RNF17: variants seen among roughly 807,000 people sequenced by gnomAD.
RNF17 encodes ring finger protein 17.
A neutral mutation model predicts 200.5 loss-of-function variants in RNF17; 31 were observed. That is an observed-to-expected ratio of 0.15 (90% CI 0.12 to 0.21). RNF17 has a LOEUF of 0.21. Ranked by LOEUF, RNF17 falls within the 10% of genes least tolerant of loss-of-function variation. The pLI is 1.00. For missense variants in RNF17, 1,628 were observed against 1,905.1 expected (o/e 0.85, Z 2.71); for synonymous variants, 606 against 637.8 (o/e 0.95, Z 0.75).
rs2275940 is a variant in RNF17 at position 24,879,728 on chromosome 13, A to G, written c.*11-9A>G. ...GCAAAGGTTTAAAATAACACATTTT[A>G]TTTTTCAGGTATACAGTGAGAGCAT... On this transcript the variant is annotated splice_polypyrimidine_tract_variant and intron_variant, in intron 35 of 35. Coordinates refer to ENST00000255324, the MANE Select transcript of RNF17 (RefSeq NM_031277.3). The G allele has an allele frequency of 0.98, 151,744 of 154,386 alleles. 74,610 individuals carry two copies. Among genetic ancestry groups the G allele is most frequent in the Middle Eastern group, 1 (298 of 298 alleles). The allele number at this position is 154,386 out of a possible 1,614,324, so 9.6% of individuals were successfully genotyped here. A position where few individuals can be genotyped will look rare whatever the true frequency, so the allele number is the denominator to read the frequency against.
chr13:24,840,372 A>T (rs1890489501), intron 18 of RNF17, among the ~76,000 whole-genome samples: 1 of 152,194 alleles, frequency 6.6e-6, no homozygotes, highest in African/African-American at 2.4e-5. Context: ...TCCCACTGCT[A>T]GATATCTACC....
At chr13:24,749,543 G>C in the RNF17 span, among the ~76,000 whole-genome samples, 1 of 151,912 alleles carries the variant, frequency 6.6e-6, no homozygotes, top group African/African-American at 2.4e-5. Context: ...TCTCTCTGCA[G>C]TTAAAAAACA....
At chr13:24,752,807 C>G in the RNF17 span, among the ~76,000 whole-genome samples, 1 of 152,230 alleles carries the variant, frequency 6.6e-6, no homozygotes, top group Non-Finnish European at 1.5e-5. Flanking sequence ...CTCCAGATGA[C>G]AGCCAGAGTA....
chr13:24,840,138 TAATCATCAGGG>T (rs1023385519), intron 18 of RNF17, among the ~76,000 whole-genome samples: 1 of 152,160 alleles, frequency 6.6e-6, no homozygotes, highest in African/African-American at 2.4e-5. Flanking sequence ...TCAACATCAC[TAATCATCAGGG>T]AAATGCAAAT....
chr13:24,809,464 A>G (rs1209158706), intron 15 of RNF17, among the ~76,000 whole-genome samples: 1 of 152,034 alleles, frequency 6.6e-6, no homozygotes, highest in Admixed American at 6.6e-5. Context: ...GGTAGTTTGT[A>G]TTTCTGTGGG....
intron 14 of RNF17, among the ~76,000 whole-genome samples, chr13:24,803,206 A>T (rs1885464974): frequency 6.6e-6 from 1 of 152,180 alleles, no homozygotes; most frequent in Non-Finnish European, 1.5e-5. Flanking sequence ...AATTTTCCTC[A>T]ATTTTGTAGC....
chr13:24,774,382 G>C (rs1269416128), intron 2 of RNF17, among the ~76,000 whole-genome samples: 2 of 152,076 alleles, frequency 1.3e-5, no homozygotes, highest in African/African-American at 2.4e-5. Flanking sequence ...GCTAATTTTT[G>C]TATTTTTAGT....
At chr13:24,781,302 A>AT (rs1305472305) in intron 5 of RNF17, among the ~76,000 whole-genome samples, 17 of 151,768 alleles carry the variant, frequency 1.1e-4, no homozygotes, top group Admixed American at 5.3e-4. Flanking sequence ...TCATCAGTGG[A>AT]TTTTTTTTAG....
chr13:24,794,218 C>T (rs1024051339), intron 10 of RNF17: 1 of 456,626 alleles, frequency 2.2e-6, no homozygotes, highest in South Asian at 1.5e-5. Context: ...CAGAAAAACT[C>T]ATCTGTTCCT....
intron 6 of RNF17, among the ~76,000 whole-genome samples, chr13:24,784,491 G>GT (rs1157838900): frequency 1.3e-5 from 2 of 151,982 alleles, no homozygotes; most frequent in Non-Finnish European, 2.9e-5. Flanking sequence ...TTGTTGGGAG[G>GT]TTTTTTGATT....
At chr13:24,850,154 A>G (rs1245176149) in intron 22 of RNF17, among the ~76,000 whole-genome samples, 187 bp from the exon 23 acceptor site, 1 of 152,212 alleles carries the variant, frequency 6.6e-6, no homozygotes, top group East Asian at 1.9e-4. Context: ...TAGAGGGATG[A>G]AAAAAAGATA....
chr13:24,789,420 C>T lies in RNF17; in HGVS notation c.856C>T (p.Pro286Ser), dbSNP rs1383674764. 1.9e-6 allele frequency: 3 copies of T among 1,591,010 alleles called. No homozygotes were observed. The highest frequency in any genetic ancestry group is 1.7e-5 in the Admixed American group (1 of 59,846). Residue 286 changes from proline to serine, a missense_variant, in exon 8 of 36, where the codon CCC becomes TCC. Around this residue, in one of 5 missense-constraint regions of RNF17, gnomAD observed 502 missense variants for 501.7 expected, o/e 1.00. Coordinates refer to ENST00000255324, the MANE Select transcript of RNF17 (RefSeq NM_031277.3). ...TAGTTCTCCACAACTAAGGAACCCT[C>T]CCAGGTAAGTAAGTCATAGTTCAGG... Reference protein sequence around the residue: ...QVSSPQLRNPPRLSVNCSEII... With the variant: ...QVSSPQLRNPSRLSVNCSEII...
intron 15 of RNF17, among the ~76,000 whole-genome samples, chr13:24,805,599 A>G (rs776873032): frequency 1.3e-5 from 2 of 152,164 alleles, no homozygotes; most frequent in African/African-American, 2.4e-5. Context: ...CCATTCATCT[A>G]TTGATGGCCA....
intron 1 of RNF17, 190 bp downstream of exon 1, chr13:24,764,523 C>T (rs1156391241): frequency 2.6e-6 from 1 of 383,958 alleles, no homozygotes. Context: ...TTAAGGGCAG[C>T]ACCTGCGCCT....
At chr13:24,836,871 C>T (rs1445904192) in intron 18 of RNF17, among the ~76,000 whole-genome samples, 5 of 152,166 alleles carry the variant, frequency 3.3e-5, no homozygotes, top group African/African-American at 9.7e-5. Flanking sequence ...TGGTACCTCA[C>T]GTTTCAATAT....
intron 2 of RNF17, among the ~76,000 whole-genome samples, chr13:24,772,534 T>C (rs550249216): frequency 5.3e-5 from 8 of 151,644 alleles, no homozygotes; most frequent in South Asian, 2.1e-4. Context: ...TAAATTTTCC[T>C]AAATAACTTC....
intron 30 of RNF17, among the ~76,000 whole-genome samples, chr13:24,867,125 G>A (rs1431762678): frequency 6.6e-6 from 1 of 152,178 alleles, no homozygotes; most frequent in Non-Finnish European, 1.5e-5. Context: ...AGCTATAACA[G>A]TTCTTTATGC....
chr13:24,856,968 A>G (rs576798205), intron 25 of RNF17, among the ~76,000 whole-genome samples: 17 of 152,258 alleles, frequency 1.1e-4, no homozygotes, highest in African/African-American at 3.9e-4. Flanking sequence ...GCTAGAGATG[A>G]GGAAAGGTGA....
chr13:24,783,805 C>T (rs944244778), intron 6 of RNF17, among the ~76,000 whole-genome samples: 1 of 152,152 alleles, frequency 6.6e-6, no homozygotes, highest in African/African-American at 2.4e-5. Flanking sequence ...ATGTCATCTG[C>T]AAATAAAATA....
Sources: gnomAD v4.1 joint callset for allele counts (sites outside exome capture counted in the v4.1 genomes callset) on GRCh38, gnomAD v4.1.1 for gene constraint, gnomAD v4.1.1 regional missense constraint, MANE v1.5 for transcripts, NCBI Gene and HGNC (gene_info 2026-07-23, HGNC 2026-07-21) for gene names.